Variants in PTPRD observed in about 807,000 individuals in gnomAD.
The protein encoded by PTPRD is protein tyrosine phosphatase receptor type D.
A neutral mutation model predicts 214.5 loss-of-function variants in PTPRD; 34 were observed. That is an observed-to-expected ratio of 0.16 (90% CI 0.12 to 0.21). The LOEUF is 0.21. Among genes scored for constraint, PTPRD ranks in the 10% least tolerant of loss-of-function variants. PTPRD has a pLI of 1.00. For synonymous variants in PTPRD, 1,128 were observed against 845.7 expected (o/e 1.33, Z -5.79); for missense variants, 2,545 against 2,398.7 (o/e 1.06, Z -1.27).
At chr9:8,909,240 C>T (rs2098730050) in intron 11 of PTPRD, among the ~76,000 whole-genome samples, 1 of 151,990 alleles carries the variant, frequency 6.6e-6, no homozygotes, top group South Asian at 2.1e-4. Flanking sequence ...GAAGACAGAA[C>T]ACTCCCAAAC....
intron 9 of PTPRD, among the ~76,000 whole-genome samples, chr9:9,216,354 A>G (rs1450700992): frequency 6.6e-6 from 1 of 152,208 alleles, no homozygotes; most frequent in Non-Finnish European, 1.5e-5. Flanking sequence ...TTTCTCCTCT[A>G]TGATATGGAG....
At chr9:9,160,367 C>A (rs1161427285) in intron 10 of PTPRD, among the ~76,000 whole-genome samples, 1 of 151,980 alleles carries the variant, frequency 6.6e-6, no homozygotes, top group Admixed American at 6.6e-5. Context: ...TAAAAATGGG[C>A]AAAGGATTTG....
chr9:9,810,772 C>T (rs1335135532), intron 5 of PTPRD, among the ~76,000 whole-genome samples: 2 of 152,044 alleles, frequency 1.3e-5, no homozygotes, highest in South Asian at 2.1e-4. Context: ...TTTTGACTCT[C>T]AGGTCTTATT....
intron 7 of PTPRD, among the ~76,000 whole-genome samples, chr9:9,728,928 C>T (rs1351321507): frequency 1.3e-5 from 2 of 151,574 alleles, no homozygotes; most frequent in African/African-American, 4.8e-5. Context: ...ACTATTTATC[C>T]CAAGTCTTCT....
intron 4 of PTPRD, among the ~76,000 whole-genome samples, chr9:10,001,013 C>T (rs533468214): frequency 2.0e-3 from 310 of 152,314 alleles, no homozygotes; most frequent in Non-Finnish European, 3.5e-3. Context: ...CACTTTTTCG[C>T]AGCAGCACAC....
chr9:10,467,489 C>G (rs1771006181), intron 2 of PTPRD, among the ~76,000 whole-genome samples: 1 of 152,114 alleles, frequency 6.6e-6, no homozygotes, highest in Admixed American at 6.6e-5. Flanking sequence ...AAATGAATAA[C>G]AGATTTTAAT....
intron 14 of PTPRD, among the ~76,000 whole-genome samples, chr9:8,599,466 T>C (rs1395681349): frequency 1.3e-5 from 2 of 152,130 alleles, no homozygotes; most frequent in Non-Finnish European, 2.9e-5. Flanking sequence ...ATGCAAACAA[T>C]AACTCTGGAG....
At chr9:9,594,889 AAAACAAAC>A (rs771701512) in intron 7 of PTPRD, among the ~76,000 whole-genome samples, 19 of 152,226 alleles carry the variant, frequency 1.2e-4, no homozygotes, top group African/African-American at 3.8e-4. Flanking sequence ...TCAGCAAGAA[AAAACAAAC>A]AAACAATCCC....
At chr9:8,972,060 T>C (rs1482121943) in intron 11 of PTPRD, among the ~76,000 whole-genome samples, 1 of 151,828 alleles carries the variant, frequency 6.6e-6, no homozygotes, top group Non-Finnish European at 1.5e-5. Context: ...GGGAAAAAGA[T>C]ATTTAAATGG....
intron 3 of PTPRD, among the ~76,000 whole-genome samples, chr9:10,303,018 AC>A (rs2095914938): frequency 6.6e-6 from 1 of 152,084 alleles, no homozygotes; most frequent in African/African-American, 2.4e-5. Flanking sequence ...GAAGTAAAAC[AC>A]TCCTCAGGGA....
chr9:8,592,267 C>G (rs947238296), intron 14 of PTPRD, among the ~76,000 whole-genome samples: 5 of 152,112 alleles, frequency 3.3e-5, no homozygotes, highest in African/African-American at 1.2e-4. Flanking sequence ...AAGTACACCC[C>G]CAAATTCAAC....
At position 9,938,559 on chromosome 9, in the gene PTPRD, A is replaced by G. The variant is rs2090373460; in HGVS notation, c.-420T>C. ...GGTGCCAACATGCTGTCAGTCAGAC[A>G]CCTCTAACTGGAATATCACGGGCCA... On this transcript the variant is annotated 5_prime_UTR_variant, in exon 5 of 46. Transcript: ENST00000381196. The G allele has an allele frequency of 6.6e-6, 1 of 152,054 alleles. No homozygotes were observed. Among genetic ancestry groups the G allele is most frequent in the African/African-American group, 2.4e-5 (1 of 41,388 alleles). 9.4% of individuals were successfully genotyped at this position (152,054 alleles called of 1,614,324 possible). A position where few individuals can be genotyped will look rare whatever the true frequency, so the allele number is the denominator to read the frequency against.
At chr9:8,843,855 G>C (rs560877795) in intron 11 of PTPRD, among the ~76,000 whole-genome samples, 30 of 152,282 alleles carry the variant, frequency 2.0e-4, no homozygotes, top group Non-Finnish European at 3.8e-4. Flanking sequence ...CAAAGACCAA[G>C]ATGGAGAGGT....
chr9:9,463,371 G>A (rs915783329), intron 8 of PTPRD, among the ~76,000 whole-genome samples: 1 of 152,116 alleles, frequency 6.6e-6, no homozygotes. Flanking sequence ...GAGAGAGTGG[G>A]TTGGAAGAGG....
intron 30 of PTPRD, among the ~76,000 whole-genome samples, chr9:8,477,901 A>C (rs913500991): frequency 1.5e-4 from 23 of 152,196 alleles, no homozygotes; most frequent in African/African-American, 5.5e-4. Context: ...GACTGCCTGG[A>C]TTCAAGCCTT....
intron 5 of PTPRD, among the ~76,000 whole-genome samples, chr9:9,802,670 T>G (rs1382253538): frequency 6.6e-6 from 1 of 151,706 alleles, no homozygotes; most frequent in Non-Finnish European, 1.5e-5. Context: ...AATTCAACTC[T>G]CCATACCCAG....
At chr9:9,562,064 C>T (rs1022398799) in intron 8 of PTPRD, among the ~76,000 whole-genome samples, 2 of 152,158 alleles carry the variant, frequency 1.3e-5, no homozygotes, top group Non-Finnish European at 2.9e-5. Flanking sequence ...TAAAAGACAT[C>T]TGAAATTCAA....
chr9:9,326,298 A>G (rs904050126), intron 9 of PTPRD, among the ~76,000 whole-genome samples: 2 of 152,182 alleles, frequency 1.3e-5, no homozygotes, highest in Admixed American at 1.3e-4. Context: ...TGGATAATAG[A>G]GAATAAGAAT....
intron 11 of PTPRD, among the ~76,000 whole-genome samples, chr9:8,780,823 T>C (rs999056881): frequency 1.3e-5 from 2 of 152,196 alleles, no homozygotes; most frequent in Non-Finnish European, 2.9e-5. Context: ...AAGGAGATTG[T>C]GCCAAAAATA....
Sources: gnomAD v4.1 joint callset for allele counts (sites outside exome capture counted in the v4.1 genomes callset) on GRCh38, gnomAD v4.1.1 for gene constraint, MANE v1.5 for transcripts, NCBI Gene and HGNC (gene_info 2026-07-23, HGNC 2026-07-21) for gene names.